Variants in TMEM94 observed in about 807,000 individuals in gnomAD.
TMEM94 encodes the protein ER Mg2+ ATPase.
A neutral mutation model predicts 158.6 loss-of-function variants in TMEM94; 81 were observed. The observed-to-expected ratio is 0.51, with a 90% CI of 0.43 to 0.61. TMEM94 has a LOEUF of 0.61. Among genes scored for constraint, TMEM94 ranks in the 20% least tolerant of loss-of-function variants. The pLI, the probability that TMEM94 is intolerant of heterozygous loss-of-function variation, is 0.00. For synonymous variants in TMEM94, 751 were observed against 730.7 expected (o/e 1.03, Z -0.45); for missense variants, 1,435 against 1,762.0 (o/e 0.81, Z 3.32).
intron 1 of TMEM94, among the ~76,000 whole-genome samples, chr17:75,467,618 C>T (rs1421216487): frequency 2.0e-5 from 3 of 149,938 alleles, no homozygotes; most frequent in East Asian, 3.9e-4. Context: ...CTGCAAGCTC[C>T]GCTTCCCGGG....
At position 75,497,154 on chromosome 17, in the gene TMEM94, C is replaced by T; in HGVS notation, c.3363C>T (p.Thr1121=). The T allele has an allele frequency of 6.2e-7, 1 of 1,614,060 alleles. No individual in the cohort carries two copies. The highest frequency in any genetic ancestry group is 8.5e-7 in the Non-Finnish European group (1 of 1,180,010). The change falls in exon 26 of 32, where the codon ACC becomes ACT. Residue 1121 remains threonine (T), a synonymous_variant. Transcript: ENST00000314256. ...CLVQLPPLLS[T]TDILWLSCFC... is the part of the protein sequence containing the mutation. ...TCCAGCTGCCGCCACTCCTGAGTAC[C>T]ACCGACATCCTGTGGCTGTCCTGCT...
In TMEM94 at chr17:75,496,793, CTT is replaced by C. The variant is rs751316650; in HGVS notation, c.3308_3309del (p.Leu1103ArgfsTer43). The C allele has an allele frequency of 1.2e-6, 2 of 1,613,820 alleles. No homozygotes were observed. The highest frequency in any genetic ancestry group is 1.7e-6 in the Non-Finnish European group (2 of 1,180,008). On this transcript the variant is annotated frameshift_variant, in exon 25 of 32. Transcript: ENST00000314256. LOFTEE classifies it high-confidence loss of function. ...FLFLLQCQLTLVVIQFLSCLV... is the reference protein window; with the variant it reads ...FLFLLQCQLTXVVIQFLSCLV... The stretch of plus-strand genomic sequence containing the variant: ...CTTCCTGCTGCAGTGCCAGCTGACT[CTT>C]GTGGTCATCCAGGTGAGGTGGGGCC...
At position 75,486,399 on chromosome 17, in the gene TMEM94, C is replaced by G. The variant is rs1157726397; in HGVS notation, c.382C>G (p.Leu128Val). 1 of 1,614,198 alleles carries G rather than the reference C, an allele frequency of 6.2e-7. No homozygotes were observed. The highest frequency in any genetic ancestry group is 8.5e-7 in the Non-Finnish European group (1 of 1,180,030). ...GAAGCGTCGGGAGGTAGAGCGGAGG[C>G]TGCGAGGGATCATTGACCAAATCCA... ...RLKRREVERR[L>V]RGIIDQIQDA... Residue 128 changes from leucine (L) to valine (V), a missense_variant, in exon 5 of 32, where the codon CTG becomes GTG. By Grantham distance (32) the Leu-to-Val change is conservative. Coordinates refer to ENST00000314256, the MANE Select transcript of TMEM94 (RefSeq NM_014738.6).
chr17:75,467,062 C>G (rs185167572), intron 1 of TMEM94, among the ~76,000 whole-genome samples: 16 of 149,866 alleles, frequency 1.1e-4, no homozygotes, highest in African/African-American at 3.9e-4. Context: ...GCAACCTCTG[C>G]CTCCCGGGTT....
rs953099621 is a variant in TMEM94 at position 75,487,816 on chromosome 17, C to T, written c.410-116C>T. The T allele has an allele frequency of 8.4e-6, 7 of 833,830 alleles. No individual in the cohort carries two copies. Among genetic ancestry groups the T allele is most frequent in the Admixed American group, 4.4e-5 (2 of 45,700 alleles). The allele number at this position is 833,830 out of a possible 1,614,324, so 51.7% of individuals were successfully genotyped here. On this transcript the variant is annotated intron_variant, in intron 5 of 31. Coordinates refer to ENST00000314256, the MANE Select transcript of TMEM94 (RefSeq NM_014738.6). The surrounding 1 kb of genome is among the most constrained non-coding windows in gnomAD (Gnocchi z 4.6). The stretch of plus-strand genomic sequence containing the variant: ...TGTTGGAACGAGTGGAGGGGTTTGA[C>T]GCAGACCTCCTGGGAGAGGAAGTGG...
In TMEM94 at chr17:75,498,747, G is replaced by A. The variant is rs202049352; in HGVS notation, c.3827+25G>A. The A allele has an allele frequency of 5.5e-5, 85 of 1,539,778 alleles. No individual in the cohort carries two copies. In the East Asian group the frequency reaches 8.1e-4, roughly 15 times the overall value. On this transcript the variant is annotated intron_variant, in intron 30 of 31. Transcript: ENST00000314256. The surrounding 1 kb of genome is among the most constrained non-coding windows in gnomAD (Gnocchi z 6.7). The stretch of plus-strand genomic sequence containing the variant: ...TGTGAGTATTGCTAGGATGGAGGGC[G>A]GAGTGTGGGCTGGGGAGGAGAGGGC...
intron 23 of TMEM94, 31 bp from the exon 24 acceptor site, chr17:75,496,251 C>T: frequency 1.2e-6 from 2 of 1,613,494 alleles, no homozygotes; most frequent in Non-Finnish European, 1.7e-6. Context: ...GGAGATACAG[C>T]TGAAGTGTGT....
chr17:75,489,024 C>T lies in TMEM94; in HGVS notation c.764+114C>T. ...GAGGTTCTCTTGAGGGCAGGCATCT[C>T]CTTAGGCTCCTGTCCTTAACATCTT... On this transcript the variant is annotated intron_variant, in intron 7 of 31. Transcript: ENST00000314256. This position sits in a 1 kb window ranked among gnomAD's most constrained non-coding sequence, Gnocchi z 5.0. 1 of 1,138,788 alleles carries T rather than the reference C, an allele frequency of 8.8e-7. No individual in the cohort carries two copies. The allele number at this position is 1,138,788 out of a possible 1,614,324, so 70.5% of individuals were successfully genotyped here.
chr17:75,500,073 G>A lies in TMEM94; in HGVS notation c.*739G>A, dbSNP rs2053138530. ...TGTAGACTGGTTTGTATTAAAATGT[G>A]TCAATTGCTAAGAAATACCTGTGGC... On this transcript the variant is annotated 3_prime_UTR_variant, in exon 32 of 32. Coordinates refer to ENST00000314256, the MANE Select transcript of TMEM94 (RefSeq NM_014738.6). The A allele has an allele frequency of 6.6e-6, 1 of 152,498 alleles. No individual in the cohort carries two copies. The highest frequency in any genetic ancestry group is 2.4e-5 in the African/African-American group (1 of 41,474). 9.4% of individuals were successfully genotyped at this position (152,498 alleles called of 1,614,324 possible). A position where few individuals can be genotyped will look rare whatever the true frequency, so the allele number is the denominator to read the frequency against.
chr17:75,464,995 G>A (rs1453131653), intron 1 of TMEM94, among the ~76,000 whole-genome samples: 2 of 151,752 alleles, frequency 1.3e-5, no homozygotes, highest in Non-Finnish European at 2.9e-5. Flanking sequence ...CACTGCACCC[G>A]GCTCTTTTTG....
chr17:75,460,912 A>G (rs1010739083), intron 1 of TMEM94, among the ~76,000 whole-genome samples: 7 of 151,962 alleles, frequency 4.6e-5, no homozygotes, highest in Non-Finnish European at 1.5e-5. Flanking sequence ...ATCACTATCC[A>G]TCTCCAGAAC....
chr17:75,471,094 G>A (rs572196920), intron 1 of TMEM94, among the ~76,000 whole-genome samples: 6 of 151,550 alleles, frequency 4.0e-5, no homozygotes, highest in Admixed American at 6.6e-5. Flanking sequence ...AAAATTAGCC[G>A]GGCGTGGTGG....
chr17:75,481,619 G>A (rs1413963031), intron 2 of TMEM94, among the ~76,000 whole-genome samples: 1 of 152,224 alleles, frequency 6.6e-6, no homozygotes, highest in Non-Finnish European at 1.5e-5. Flanking sequence ...GAAGGAGTAA[G>A]CCCAGAAGGC....
rs898956527 is a variant in TMEM94, at chr17:75,487,783, C to T, written c.410-149C>T. The T allele has an allele frequency of 1.2e-4, 78 of 647,924 alleles. No homozygotes were observed. Among genetic ancestry groups the T allele is most frequent in the Non-Finnish European group, 2.2e-5 (8 of 370,854 alleles). 40.1% of individuals were successfully genotyped at this position (647,924 alleles called of 1,614,324 possible). A position where few individuals can be genotyped will look rare whatever the true frequency, so the allele number is the denominator to read the frequency against. On this transcript the variant is annotated intron_variant, in intron 5 of 31. Transcript: ENST00000314256. This position sits in a 1 kb window ranked among gnomAD's most constrained non-coding sequence, Gnocchi z 4.6. ...TTTATAAGGGAGGCATCCTTGAAAG[C>T]AGGGAAGTGTTGGAACGAGTGGAGG...
chr17:75,495,167 T>G lies in TMEM94; in HGVS notation c.2729-117T>G. ...CCTTGGGAAATGGCTCTGATGTCCC[T>G]GCGGGAAACAGTAGTCAGCAGGAAG... On this transcript the variant is annotated intron_variant, in intron 20 of 31. Transcript: ENST00000314256. This position sits in a 1 kb window ranked among gnomAD's most constrained non-coding sequence, Gnocchi z 5.6. 1 of 1,420,398 alleles carries G rather than the reference T, an allele frequency of 7.0e-7. No individual in the cohort carries two copies. The allele number at this position is 1,420,398 out of a possible 1,614,324, so 88.0% of individuals were successfully genotyped here. A position where few individuals can be genotyped will look rare whatever the true frequency, so the allele number is the denominator to read the frequency against.
At chr17:75,463,758 T>G (rs2050193427) in intron 1 of TMEM94, among the ~76,000 whole-genome samples, 1 of 152,102 alleles carries the variant, frequency 6.6e-6, no homozygotes, top group Non-Finnish European at 1.5e-5. Context: ...GCTTCTTGGA[T>G]TTTGACTTTG....
Position 75,491,137 on chromosome 17 carries a change from G to A in TMEM94, c.1217G>A (p.Ser406Asn), listed in dbSNP as rs1275743069. ...AGCCACAGTTCCAGCCTGCTGCACA[G>A]CCTGGGCTCTGTCACGGTGAGGGTG... ...TLSHSSSLLH[S>N]LGSVTVLCCV... The change falls in exon 12 of 32, where the codon AGC (serine) becomes AAC (asparagine). Residue 406 changes from serine to asparagine, a missense_variant. Physicochemically the swap from Ser to Asn is conservative, Grantham distance 46. Around this residue, in one of 3 missense-constraint regions of TMEM94, gnomAD observed 1,051 missense variants for 1,254.4 expected, o/e 0.84. Transcript: ENST00000314256. The surrounding 1 kb of genome is among the most constrained non-coding windows in gnomAD (Gnocchi z 5.1). 4 of 1,611,414 alleles carry A rather than the reference G, an allele frequency of 2.5e-6. No individual in the cohort carries two copies. In the Admixed American group the frequency reaches 6.7e-5, roughly 27 times the overall value.
chr17:75,461,093 CTTTTTTTTTT>C (rs59878082), intron 1 of TMEM94, among the ~76,000 whole-genome samples: 1 of 69,634 alleles, frequency 1.4e-5, no homozygotes, highest in African/African-American at 5.5e-5. Flanking sequence ...TTGCGATTGG[CTTTTTTTTTT>C]TTTTTTTTTT....
At chr17:75,470,795 T>G (rs1048305538) in intron 1 of TMEM94, among the ~76,000 whole-genome samples, 1 of 151,110 alleles carries the variant, frequency 6.6e-6, no homozygotes, top group Non-Finnish European at 1.5e-5. Context: ...GGTGCATGCC[T>G]GTAATCCCAG....
Sources: allele counts gnomAD v4.1 joint callset (sites outside exome capture counted in the v4.1 genomes callset), GRCh38; gene constraint gnomAD v4.1.1; regional missense constraint gnomAD v4.1.1; non-coding constraint Gnocchi (gnomAD v3.1); transcripts MANE v1.5; gene names NCBI Gene and HGNC (gene_info 2026-07-23, HGNC 2026-07-21).